Variants in DBT observed in about 807,000 individuals in gnomAD.
DBT encodes lipoamide acyltransferase component of branched-chain alpha-keto acid dehydrogenase complex, mitochondrial.
Under a neutral mutation model 51.3 loss-of-function variants are expected in DBT, and 40 were observed. That is an observed-to-expected ratio of 0.78 (90% confidence interval 0.61 to 1.02). The LOEUF is 1.02. DBT is among the 50% of genes least tolerant of loss of function. DBT has a pLI of 0.00. For synonymous variants in DBT, 181 were observed against 190.4 expected (o/e 0.95, Z 0.41); for missense variants, 510 against 580.2 (o/e 0.88, Z 1.24).
intron 7 of DBT, chr1:100,213,435 G>C: frequency 1.3e-6 from 2 of 1,575,856 alleles, no homozygotes; most frequent in Non-Finnish European, 1.7e-6. Flanking sequence ...CTCGTCACAC[G>C]GACACCCACC....
intron 4 of DBT, among the ~76,000 whole-genome samples, chr1:100,220,682 G>A (rs1394699343): frequency 6.6e-6 from 1 of 152,172 alleles, no homozygotes; most frequent in Non-Finnish European, 1.5e-5. Context: ...CCATTTTATA[G>A]ACAGTTTAAA....
chr1:100,210,323 A>C (rs1437509598), intron 8 of DBT, among the ~76,000 whole-genome samples: 1 of 63,274 alleles, frequency 1.6e-5, no homozygotes, highest in Non-Finnish European at 4.5e-5. Context: ...TAATAATAAT[A>C]ATAAGAAGAA....
At chr1:100,224,700 C>T (rs1253502042) in intron 4 of DBT, among the ~76,000 whole-genome samples, 2 of 151,928 alleles carry the variant, frequency 1.3e-5, no homozygotes, top group Non-Finnish European at 2.9e-5. Flanking sequence ...AGCTGACACA[C>T]AATAAACTGC....
chr1:100,205,758 G>A (rs1661745393), intron 10 of DBT, among the ~76,000 whole-genome samples: 1 of 152,176 alleles, frequency 6.6e-6, no homozygotes, highest in Admixed American at 6.5e-5. Flanking sequence ...TATACACCAT[G>A]GAATACTATG....
intron 1 of DBT, among the ~76,000 whole-genome samples, chr1:100,243,425 G>A (rs953148647): frequency 4.6e-5 from 7 of 150,680 alleles, no homozygotes; most frequent in Non-Finnish European, 1.0e-4. Flanking sequence ...TGCGATTCTC[G>A]TGCCTCAGCC....
intron 8 of DBT, among the ~76,000 whole-genome samples, chr1:100,210,136 C>A (rs935478577): frequency 2.6e-5 from 4 of 151,700 alleles, no homozygotes; most frequent in Non-Finnish European, 5.9e-5. Context: ...CATAATGAGA[C>A]CACGTCTCTA....
At chr1:100,219,757 C>T (rs11166418) in intron 4 of DBT, among the ~76,000 whole-genome samples, 6 of 151,964 alleles carry the variant, frequency 3.9e-5, no homozygotes, top group Admixed American at 1.3e-4. Flanking sequence ...TCAAAAAAAA[C>T]CGCACAAGAA....
At chr1:100,211,150 A>T in intron 7 of DBT, 3 of 778,512 alleles carry the variant, frequency 3.9e-6, no homozygotes, top group Non-Finnish European at 7.2e-6. Context: ...CAAAAAAAGC[A>T]GGTAAGCTAT....
Position 100,216,010 on chromosome 1 carries a change from C to A in DBT, c.745G>T (p.Gly249Cys). The change falls in exon 6 of 11, where the codon GGC becomes TGC. Residue 249 changes from glycine to cysteine, a missense_variant. Gly to Cys is a radical substitution (Grantham distance 159, BLOSUM62 -3). Transcript: ENST00000370132. ...ILVSKPPVFT[G>C]KDKTEPIKGF... The stretch of plus-strand genomic sequence containing the variant: ...TTTATGGGTTCTGTTTTGTCTTTGC[C>A]TGTGAATACCGGAGGTTTTGATACT... 1 of 1,606,964 alleles carries A rather than the reference C, an allele frequency of 6.2e-7. No individual in the cohort carries two copies. The highest frequency in any genetic ancestry group is 1.1e-5 in the South Asian group (1 of 90,942).
At position 100,193,268 on chromosome 1, in the gene DBT, G is replaced by A. The variant is rs951988309; in HGVS notation, c.*2987C>T. ...TTCTCCTGGTTTTTCTATTCTTTAA[G>A]TGAGGAGGACATTTTTATTGATCAT... On this transcript the variant is annotated 3_prime_UTR_variant, in exon 11 of 11. Transcript: ENST00000370132. The A allele has an allele frequency of 6.6e-6, 1 of 152,162 alleles. No individual in the cohort carries two copies. The highest frequency in any genetic ancestry group is 6.5e-5 in the Admixed American group (1 of 15,270). The allele number at this position is 152,162 out of a possible 1,614,324, so 9.4% of individuals were successfully genotyped here.
chr1:100,212,191 T>C (rs551055201), intron 7 of DBT, among the ~76,000 whole-genome samples: 1 of 152,252 alleles, frequency 6.6e-6, no homozygotes, highest in South Asian at 2.1e-4. Flanking sequence ...TAATCCAAAT[T>C]TTGTCCAAGA....
At chr1:100,234,356 C>G (rs1402189606) in intron 3 of DBT, among the ~76,000 whole-genome samples, 3 of 151,820 alleles carry the variant, frequency 2.0e-5, no homozygotes, top group Admixed American at 1.3e-4. Context: ...TCAAAAAAAG[C>G]TGGGTGCAGT....
chr1:100,200,166 C>T (rs2100768287), intron 10 of DBT, among the ~76,000 whole-genome samples: 1 of 152,306 alleles, frequency 6.6e-6, no homozygotes, highest in Non-Finnish European at 1.5e-5. Flanking sequence ...GCTTGAAATT[C>T]TCGCTGCCAG....
rs1660609121 is a variant in DBT, at chr1:100,187,284, C to A, written c.*8971G>T. On this transcript the variant is annotated 3_prime_UTR_variant, in exon 11 of 11. Coordinates refer to ENST00000370132, the MANE Select transcript of DBT (RefSeq NM_001918.5). The stretch of plus-strand genomic sequence containing the variant: ...AAACAAAACAAAACAAAAAACAATA[C>A]CCCTTCGGTGTCAAATGATACAGAA... 1 of 152,108 alleles carries A rather than the reference C, an allele frequency of 6.6e-6. No individual in the cohort carries two copies. The highest frequency in any genetic ancestry group is 1.5e-5 in the Non-Finnish European group (1 of 68,024). The allele number at this position is 152,108 out of a possible 1,614,324, so 9.4% of individuals were successfully genotyped here. A position where few individuals can be genotyped will look rare whatever the true frequency, so the allele number is the denominator to read the frequency against.
intron 4 of DBT, among the ~76,000 whole-genome samples, chr1:100,220,109 C>T (rs1172457614): frequency 6.6e-6 from 1 of 151,992 alleles, no homozygotes; most frequent in Non-Finnish European, 1.5e-5. Context: ...TGCACAACTG[C>T]ACTCCAGCCT....
At chr1:100,209,766 T>TCACAGGCCTCACCACCA (rs1284909982) in intron 8 of DBT, among the ~76,000 whole-genome samples, 9 of 151,896 alleles carry the variant, frequency 5.9e-5, no homozygotes, top group African/African-American at 9.7e-5. Flanking sequence ...TTCACCATGT[T>TCACAGGCCTCACCACCA]GGCCAGGCTG....
At chr1:100,197,373 G>A (rs1287595287) in intron 10 of DBT, among the ~76,000 whole-genome samples, 2 of 152,216 alleles carry the variant, frequency 1.3e-5, no homozygotes, top group Non-Finnish European at 2.9e-5. Context: ...GCCATTCACT[G>A]AAAGAGGACG....
Position 100,249,829 on chromosome 1 carries a change from G to A in DBT, c.-9C>T, listed in dbSNP as rs781202814. 3 of 1,614,102 alleles carry A rather than the reference G, an allele frequency of 1.9e-6. No individual in the cohort carries two copies. The highest frequency in any genetic ancestry group is 3.3e-5 in the Admixed American group (2 of 60,024). On this transcript the variant is annotated 5_prime_UTR_variant, in exon 1 of 11. Transcript: ENST00000370132. Reference sequence around the variant, plus strand: ...ATACGGACTGCAGCCATCTTACCCCGGAAATGACAACAGTGCCGCAAACTG... The same window carrying A: ...ATACGGACTGCAGCCATCTTACCCCAGAAATGACAACAGTGCCGCAAACTG...
chr1:100,242,346 ATAAAAG>A (rs1311357988), intron 1 of DBT, among the ~76,000 whole-genome samples: 3 of 152,152 alleles, frequency 2.0e-5, no homozygotes, highest in Non-Finnish European at 2.9e-5. Flanking sequence ...GATAGCAAAT[ATAAAAG>A]TAAAAGTTTG....
Sources: gnomAD v4.1 joint callset for allele counts (sites outside exome capture counted in the v4.1 genomes callset) on GRCh38, gnomAD v4.1.1 for gene constraint, MANE v1.5 for transcripts, NCBI Gene and HGNC (gene_info 2026-07-23, HGNC 2026-07-21) for gene names.